SFMBT2: variants seen among roughly 807,000 people sequenced by gnomAD.
SFMBT2 encodes Scm like with four mbt domains 2, also known as scm-like with four MBT domains protein 2.
In SFMBT2, 38 loss-of-function variants were observed where a neutral mutation model predicts 110.1. That is an observed-to-expected ratio of 0.35 (90% confidence interval 0.27 to 0.45). SFMBT2 has a LOEUF of 0.45. Among genes scored for constraint, SFMBT2 ranks in the 20% least tolerant of loss-of-function variants. The pLI is 1.00. For missense variants in SFMBT2, 1,011 were observed against 1,094.9 expected (o/e 0.92, Z 1.08); for synonymous variants, 425 against 425.4 (o/e 1.00, Z 0.01).
rs1043127519 is a variant in SFMBT2 at position 7,376,865 on chromosome 10, A to AAC, written c.100+4933_100+4934insGT. On this transcript the variant is annotated intron_variant, in intron 2 of 20. Transcript: ENST00000397167. ...GGGGTGGACAGTGGCAAAAAAAAAA[A>AAC]AAACAAACATAAGAGAAAACACCCG... Among the ~76,000 whole-genome samples, 15 of 150,336 alleles carry AAC rather than the reference A, an allele frequency of 1.0e-4. 1 individual carries two copies. The East Asian group carries it at 1.2e-3, about 12-fold the overall frequency.
intron 7 of SFMBT2, among the ~76,000 whole-genome samples, chr10:7,254,213 A>G (rs974347407): frequency 1.3e-5 from 2 of 152,222 alleles, no homozygotes; most frequent in African/African-American, 4.8e-5. Context: ...CAAAAACCCA[A>G]TGATGTCTTG....
chr10:7,272,830 C>T (rs1841638201), intron 7 of SFMBT2, among the ~76,000 whole-genome samples: 1 of 152,172 alleles, frequency 6.6e-6, no homozygotes, highest in African/African-American at 2.4e-5. Context: ...TCTTGCTCTG[C>T]CGCCCAGACT....
In SFMBT2 at chr10:7,283,811, C is replaced by T; in HGVS notation, c.772+93G>A. The T allele has an allele frequency of 3.4e-6, 3 of 875,302 alleles. No homozygotes were observed. The South Asian group carries it at 4.7e-5, about 14-fold the overall frequency. The allele number at this position is 875,302 out of a possible 1,614,324, so 54.2% of individuals were successfully genotyped here. The stretch of plus-strand genomic sequence containing the variant: ...TTCACATACTCAGATATAAAAGATA[C>T]CAGAAAGCTCATACATTTTCTAGAA... On this transcript the variant is annotated intron_variant, in intron 6 of 20. Transcript: ENST00000397167.
intron 4 of SFMBT2, among the ~76,000 whole-genome samples, chr10:7,307,895 G>C (rs1222463527): frequency 6.6e-6 from 1 of 152,176 alleles, no homozygotes; most frequent in Non-Finnish European, 1.5e-5. Flanking sequence ...ACTATTAAAA[G>C]CAAGAATTTC....
chr10:7,285,967 A>C lies in SFMBT2; in HGVS notation c.437-13T>G, dbSNP rs1457157906. On this transcript the variant is annotated splice_polypyrimidine_tract_variant and intron_variant, in intron 4 of 20. Transcript: ENST00000397167. ...TTCTCTTTGATTGCTGGCAAGACAA[A>C]GGAGAAAGAAAAACAAAACAAAACA... 1.2e-6 allele frequency: 1 copy of C among 867,552 alleles called. No homozygotes were observed. The highest frequency in any genetic ancestry group is 2.4e-5 in the East Asian group (1 of 41,676). 53.7% of individuals were successfully genotyped at this position (867,552 alleles called of 1,614,324 possible).
At chr10:7,243,770 A>C in intron 8 of SFMBT2, 65 bp from the exon 9 acceptor site, 2 of 768,776 alleles carry the variant, frequency 2.6e-6, no homozygotes, top group Non-Finnish European at 4.5e-6. Context: ...TGCTAGTATA[A>C]AATAGTGGCA....
At chr10:7,255,030 G>A (rs77199223) in intron 7 of SFMBT2, among the ~76,000 whole-genome samples, 3 of 152,312 alleles carry the variant, frequency 2.0e-5, no homozygotes, top group African/African-American at 7.2e-5. Context: ...GCTGAGTTCT[G>A]TGGTGTAAAT....
chr10:7,337,618 G>A (rs1843756064), intron 4 of SFMBT2, among the ~76,000 whole-genome samples: 2 of 152,200 alleles, frequency 1.3e-5, no homozygotes, highest in South Asian at 4.2e-4. Context: ...AGTTTCCTGA[G>A]TCCTCCCAAG....
intron 4 of SFMBT2, among the ~76,000 whole-genome samples, chr10:7,316,741 A>G (rs1482824089): frequency 6.6e-6 from 1 of 152,194 alleles, no homozygotes; most frequent in African/African-American, 2.4e-5. Context: ...AAGATGGTCT[A>G]GCATGCCTGC....
intron 9 of SFMBT2, among the ~76,000 whole-genome samples, chr10:7,241,915 T>TTCAAAATTCTTAAA (rs1295353834): frequency 2.6e-5 from 4 of 152,222 alleles, no homozygotes; most frequent in African/African-American, 9.6e-5. Context: ...CAACCATTTT[T>TTCAAAATTCTTAAA]TCAAAATTCT....
Position 7,220,630 on chromosome 10 carries a change from C to A in SFMBT2, c.1204-93G>T, listed in dbSNP as rs1196282654. On this transcript the variant is annotated intron_variant, in intron 10 of 20. Coordinates refer to ENST00000397167, the MANE Select transcript of SFMBT2 (RefSeq NM_001387889.1). ...AAAGAGAAAGAAATGCACGCACACG[C>A]ATCTTACATCGACAAGACAGGCTCA... The A allele has an allele frequency of 2.3e-6, 3 of 1,286,430 alleles. No individual in the cohort carries two copies. In the African/African-American group the frequency reaches 4.4e-5, roughly 19 times the overall value. 79.7% of individuals were successfully genotyped at this position (1,286,430 alleles called of 1,614,324 possible). A position where few individuals can be genotyped will look rare whatever the true frequency, so the allele number is the denominator to read the frequency against.
At chr10:7,244,955 C>G (rs1308166442) in intron 8 of SFMBT2, among the ~76,000 whole-genome samples, 1 of 152,144 alleles carries the variant, frequency 6.6e-6, no homozygotes, top group African/African-American at 2.4e-5. Flanking sequence ...CTCCCACCAC[C>G]TGAAAGGATT....
intron 3 of SFMBT2, chr10:7,368,450 G>T: frequency 1.4e-6 from 1 of 730,788 alleles, no homozygotes; most frequent in Non-Finnish European, 1.7e-6. Flanking sequence ...TGACATATCC[G>T]CTGTCCGCAA....
At chr10:7,273,720 G>C (rs1588407357) in intron 7 of SFMBT2, among the ~76,000 whole-genome samples, 1 of 152,156 alleles carries the variant, frequency 6.6e-6, no homozygotes, top group Non-Finnish European at 1.5e-5. Context: ...TGCGGTGTTT[G>C]ATTTTCTGTC....
rs1163670608 is a variant in SFMBT2, at chr10:7,163,712, T to C, written c.*58A>G. The C allele has an allele frequency of 8.0e-6, 12 of 1,504,854 alleles. No individual in the cohort carries two copies. In the Middle Eastern group the frequency reaches 5.2e-4, roughly 65 times the overall value. 93.2% of individuals were successfully genotyped at this position (1,504,854 alleles called of 1,614,324 possible). On this transcript the variant is annotated 3_prime_UTR_variant, in exon 21 of 21. Transcript: ENST00000397167. The surrounding 1 kb of genome is among the most constrained non-coding windows in gnomAD (Gnocchi z 4.8). ...TCCCGGAAAATCAAAGTTTCAGTCC[T>C]GGAAACCTTTACCAACACCGCATCC...
At chr10:7,194,480 A>G (rs1838708198) in intron 15 of SFMBT2, among the ~76,000 whole-genome samples, 1 of 152,170 alleles carries the variant, frequency 6.6e-6, no homozygotes, top group Non-Finnish European at 1.5e-5. Flanking sequence ...AGAACAGATC[A>G]GGGTGAACCG....
At chr10:7,371,039 CA>C (rs1332886941) in intron 2 of SFMBT2, among the ~76,000 whole-genome samples, 1 of 152,168 alleles carries the variant, frequency 6.6e-6, no homozygotes, top group African/African-American at 2.4e-5. Flanking sequence ...TGTGTTTCTC[CA>C]ACCACAAGGA....
At chr10:7,323,322 G>A (rs1843256279) in intron 4 of SFMBT2, among the ~76,000 whole-genome samples, 1 of 151,678 alleles carries the variant, frequency 6.6e-6, no homozygotes, top group Admixed American at 6.6e-5. Context: ...ATGGTGGCAG[G>A]TGCCTATAGT....
chr10:7,362,489 T>A (rs998019665), intron 4 of SFMBT2, among the ~76,000 whole-genome samples: 1 of 152,214 alleles, frequency 6.6e-6, no homozygotes, highest in Non-Finnish European at 1.5e-5. Context: ...AAAACCACTT[T>A]CTTTCAATGC....
Sources: allele counts gnomAD v4.1 joint callset (sites outside exome capture counted in the v4.1 genomes callset), GRCh38; gene constraint gnomAD v4.1.1; non-coding constraint Gnocchi (gnomAD v3.1); transcripts MANE v1.5; gene names NCBI Gene and HGNC (gene_info 2026-07-23, HGNC 2026-07-21).